Variants in FHIP1B observed in about 807,000 individuals in gnomAD.
The protein encoded by FHIP1B is FHF complex subunit HOOK-interacting protein 1B.
A neutral mutation model predicts 82.2 loss-of-function variants in FHIP1B; 28 were observed. The ratio of observed to expected loss-of-function variants is 0.34; its 90% CI spans 0.25 to 0.47. The LOEUF (loss-of-function observed/expected upper bound fraction) is 0.47. Among genes scored for constraint, FHIP1B ranks in the 20% least tolerant of loss-of-function variants. The pLI, the probability that FHIP1B is intolerant of heterozygous loss-of-function variation, is 1.00. For synonymous variants in FHIP1B, 585 were observed against 516.1 expected (o/e 1.13, Z -1.81); for missense variants, 1,110 against 1,262.6 (o/e 0.88, Z 1.83).
intron 11 of FHIP1B, among the ~76,000 whole-genome samples, chr11:6,212,519 C>T (rs998491605): frequency 6.6e-6 from 1 of 152,204 alleles, no homozygotes; most frequent in Non-Finnish European, 1.5e-5. Flanking sequence ...ATTCACCAGT[C>T]CCTGTCCTGC....
At chr11:6,220,284 C>T (rs1167977329) in intron 6 of FHIP1B, among the ~76,000 whole-genome samples, 1 of 152,158 alleles carries the variant, frequency 6.6e-6, no homozygotes, top group African/African-American at 2.4e-5. Context: ...CTCAATGCCA[C>T]AACTGCTAGA....
At chr11:6,226,736 A>T (rs1465572791) in intron 1 of FHIP1B, among the ~76,000 whole-genome samples, 2 of 152,254 alleles carry the variant, frequency 1.3e-5, no homozygotes, top group Admixed American at 1.3e-4. Flanking sequence ...GGTGACGGTT[A>T]TAAGTATTGC....
chr11:6,232,438 G>C lies in FHIP1B; in HGVS notation c.-192+2106C>G, dbSNP rs901845952. Among the ~76,000 whole-genome samples the C allele has an allele frequency of 5.9e-5, 9 of 152,144 alleles. No homozygotes were observed. The South Asian group carries it at 6.2e-4, about 11-fold the overall frequency. The stretch of plus-strand genomic sequence containing the variant: ...GTCCCTTTTCTGTCTTTTGGAAATA[G>C]AACAATTACAAATCATTAAAAAATC... On this transcript the variant is annotated intron_variant, in intron 1 of 11. Transcript: ENST00000449352.
chr11:6,224,288 A>G (rs777488768), intron 2 of FHIP1B, 40 bp from the exon 3 acceptor site: 7 of 1,613,776 alleles, frequency 4.3e-6, no homozygotes, highest in East Asian at 2.2e-5. Flanking sequence ...ATCTAAATTG[A>G]TAAGGTTACT....
Position 6,217,677 on chromosome 11 carries a change from C to G in FHIP1B, c.1909G>C (p.Gly637Arg). 6.2e-7 allele frequency: 1 copy of G among 1,613,824 alleles called. No homozygotes were observed. The highest frequency in any genetic ancestry group is 1.1e-5 in the South Asian group (1 of 91,062). ...CCCTCAGGCCATGATCCTGGCACTC[C>G]ATTGAGCTGGGGAGGGGGCAGGTGA... is the stretch of plus-strand genomic sequence containing the variant. Reference protein sequence around the residue: ...PGHLPPPQLNGVPGSWPEGAK... With the variant: ...PGHLPPPQLNRVPGSWPEGAK... Residue 637 changes from glycine to arginine, a missense_variant, in exon 9 of 12, where the codon GGA (glycine) becomes CGA (arginine). By Grantham distance (125) the Gly-to-Arg change is moderately radical (BLOSUM62 -2). Around this residue, in one of 6 missense-constraint regions of FHIP1B, gnomAD observed 418 missense variants for 371.4 expected, o/e 1.13. Transcript: ENST00000449352.
At chr11:6,213,655 T>C (rs1847137424) in intron 11 of FHIP1B, among the ~76,000 whole-genome samples, 1 of 152,162 alleles carries the variant, frequency 6.6e-6, no homozygotes, top group African/African-American at 2.4e-5. Flanking sequence ...GATTTAAAAC[T>C]TCATAACGAT....
At chr11:6,232,993 C>G (rs1479169860) in intron 1 of FHIP1B, among the ~76,000 whole-genome samples, 1 of 152,172 alleles carries the variant, frequency 6.6e-6, no homozygotes, top group Non-Finnish European at 1.5e-5. Context: ...CTCCCTCCAT[C>G]TTGGATAGAT....
Position 6,211,842 on chromosome 11 carries a change from C to T in FHIP1B, c.2583G>A (p.Gly861=), listed in dbSNP as rs1847082443. The part of the protein sequence containing the change: ...PLVKSRRPSL[G]ELLLRHAHSP... Reference sequence around the variant, plus strand: ...TGTGTGCATGCCGCAGGAGTAACTCCCCCAAGGATGGCCTCCGGCTCTTCA... The same window carrying T: ...TGTGTGCATGCCGCAGGAGTAACTCTCCCAAGGATGGCCTCCGGCTCTTCA... Residue 861 remains glycine (G), a synonymous_variant, in exon 12 of 12, where the codon GGG becomes GGA. Transcript: ENST00000449352. 2 of 1,584,516 alleles carry T rather than the reference C, an allele frequency of 1.3e-6. No homozygotes were observed. Among genetic ancestry groups the T allele is most frequent in the African/African-American group, 1.4e-5 (1 of 73,828 alleles).
In FHIP1B at chr11:6,223,743, C is replaced by T. The variant is rs374946902; in HGVS notation, c.644G>A (p.Arg215His). ...CTCTCGATGCACAAAAGGGACAAGG[C>T]GAGAAAAGAGAAGAAGACGGGGAGC... ...GAAPRLLLFSRLVPFVHREGT... is the reference protein window; with the variant it reads ...GAAPRLLLFSHLVPFVHREGT... The change falls in exon 3 of 12, where the codon CGC becomes CAC. Residue 215 changes from arginine (R) to histidine (H), a missense_variant. Arg to His is a conservative substitution (Grantham distance 29). This residue lies in a region of FHIP1B where 467 missense variants were observed against 602.9 expected (regional missense o/e 0.77). Coordinates refer to ENST00000449352, the MANE Select transcript of FHIP1B (RefSeq NM_001098794.2). This position sits in a 1 kb window ranked among gnomAD's most constrained non-coding sequence, Gnocchi z 4.8. 69 of 1,614,084 alleles carry T rather than the reference C, an allele frequency of 4.3e-5. No homozygotes were observed. Among genetic ancestry groups the T allele is most frequent in the Admixed American group, 1.0e-4 (6 of 60,008 alleles).
chr11:6,221,135 G>T (rs1847394921), intron 6 of FHIP1B, among the ~76,000 whole-genome samples: 3 of 152,106 alleles, frequency 2.0e-5, no homozygotes, highest in African/African-American at 7.2e-5. Context: ...TATACACTTG[G>T]TTTAGAAACA....
In FHIP1B at chr11:6,223,925, A is replaced by G; in HGVS notation, c.462T>C (p.Ala154=). The change falls in exon 3 of 12, where the codon GCT becomes GCC. Residue 154 remains alanine, a synonymous_variant. Transcript: ENST00000449352. This position sits in a 1 kb window ranked among gnomAD's most constrained non-coding sequence, Gnocchi z 4.8. ...CACAGGCATCCAGCAGGGTGAGCAG[A>G]GCCTCACGAACTGGACCATGCCGCA... ...PLLRHGPVRE[A]LLTLLDACGR... The G allele has an allele frequency of 1.2e-6, 2 of 1,614,220 alleles. No homozygotes were observed. The highest frequency in any genetic ancestry group is 8.5e-7 in the Non-Finnish European group (1 of 1,180,026).
Position 6,211,872 on chromosome 11 carries a change from G to A in FHIP1B, c.2558-5C>T. On this transcript the variant is annotated splice_region_variant and splice_polypyrimidine_tract_variant and intron_variant, in intron 11 of 11. Coordinates refer to ENST00000449352, the MANE Select transcript of FHIP1B (RefSeq NM_001098794.2). ...AGGATGGCCTCCGGCTCTTCACTGG[G>A]AATAAACAGGGGTATCATGAAGGTG... 6.5e-7 allele frequency: 1 copy of A among 1,549,202 alleles called. No homozygotes were observed. Among genetic ancestry groups the A allele is most frequent in the Non-Finnish European group, 8.7e-7 (1 of 1,152,348 alleles).
At chr11:6,225,211 C>T (rs955800373) in intron 1 of FHIP1B, among the ~76,000 whole-genome samples, 2 of 152,252 alleles carry the variant, frequency 1.3e-5, no homozygotes, top group Admixed American at 6.5e-5. Flanking sequence ...TCTTGGCCTA[C>T]AGGAGCCTAC....
Position 6,218,614 on chromosome 11 carries a change from G to C in FHIP1B, c.1421C>G (p.Ala474Gly), listed in dbSNP as rs768077599. 2 of 1,614,154 alleles carry C rather than the reference G, an allele frequency of 1.2e-6. No individual in the cohort carries two copies. The highest frequency in any genetic ancestry group is 2.2e-5 in the East Asian group (1 of 44,870). Residue 474 changes from alanine to glycine, a missense_variant, in exon 8 of 12, where the codon GCC becomes GGC. By Grantham distance (60) the Ala-to-Gly change is moderately conservative. Around this residue, in one of 6 missense-constraint regions of FHIP1B, gnomAD observed 418 missense variants for 371.4 expected, o/e 1.13. Coordinates refer to ENST00000449352, the MANE Select transcript of FHIP1B (RefSeq NM_001098794.2). ...HAPSPPRPEHASWARGPGSPS... is the reference protein window; with the variant it reads ...HAPSPPRPEHGSWARGPGSPS... ...GCTAGGCCCACCTCGTGCCCATGAGGCATGCTCTGGACGAGGTGGGCTGGG... is the reference window on the plus strand; with the variant it reads ...GCTAGGCCCACCTCGTGCCCATGAGCCATGCTCTGGACGAGGTGGGCTGGG...
chr11:6,212,061 G>T, intron 11 of FHIP1B, 194 bp from the exon 12 acceptor site: 1 of 691,356 alleles, frequency 1.4e-6, no homozygotes, highest in Non-Finnish European at 1.8e-6. Flanking sequence ...TTGACTCTGA[G>T]GAGTAGAGTG....
intron 1 of FHIP1B, among the ~76,000 whole-genome samples, chr11:6,226,077 T>C (rs1847556556): frequency 6.6e-6 from 1 of 152,196 alleles, no homozygotes; most frequent in Non-Finnish European, 1.5e-5. Context: ...GGTGGTTCAG[T>C]TGTCCTTCCT....
At chr11:6,221,895 C>T (rs1244454370) in intron 6 of FHIP1B, among the ~76,000 whole-genome samples, 2 of 152,110 alleles carry the variant, frequency 1.3e-5, no homozygotes, top group Non-Finnish European at 2.9e-5. Context: ...ATCACTGTAT[C>T]CCCAGCACCA....
At chr11:6,215,876 G>A (rs995648513) in intron 9 of FHIP1B, among the ~76,000 whole-genome samples, 1 of 152,144 alleles carries the variant, frequency 6.6e-6, no homozygotes, top group African/African-American at 2.4e-5. Context: ...AATGATGGAG[G>A]GCAGGAGGGA....
In FHIP1B at chr11:6,222,525, A is replaced by T. The variant is rs1228179729; in HGVS notation, c.1108T>A (p.Phe370Ile). 5.0e-6 allele frequency: 8 copies of T among 1,614,036 alleles called. No individual in the cohort carries two copies. The highest frequency in any genetic ancestry group is 2.7e-5 in the African/African-American group (2 of 74,912). Residue 370 changes from phenylalanine (F) to isoleucine (I), a missense_variant, in exon 6 of 12, where the codon TTC (phenylalanine) becomes ATC (isoleucine). This residue lies in a region of FHIP1B where 467 missense variants were observed against 602.9 expected (regional missense o/e 0.77). Coordinates refer to ENST00000449352, the MANE Select transcript of FHIP1B (RefSeq NM_001098794.2). Reference protein sequence around the residue: ...SISEPALLRTFLRFLLLHRHD... With the variant: ...SISEPALLRTILRFLLLHRHD... Reference sequence around the variant, plus strand: ...CGGTGCAACAACAGGAATCGCAGGAAGGTACGGAGCAAAGCAGGCTCTGAG... The same window carrying T: ...CGGTGCAACAACAGGAATCGCAGGATGGTACGGAGCAAAGCAGGCTCTGAG...
Sources: allele counts gnomAD v4.1 joint callset (sites outside exome capture counted in the v4.1 genomes callset), GRCh38; gene constraint gnomAD v4.1.1; regional missense constraint gnomAD v4.1.1; non-coding constraint Gnocchi (gnomAD v3.1); transcripts MANE v1.5; gene names NCBI Gene and HGNC (gene_info 2026-07-23, HGNC 2026-07-21).